The following EYS variants were observed in gnomAD, a reference collection of about 807,000 sequenced individuals.
EYS encodes the protein protein eyes shut homolog.
EYS carries 250 observed loss-of-function variants against 282.1 expected under a neutral mutation model. That is an observed-to-expected ratio of 0.89 (90% CI 0.80 to 0.98). The LOEUF (loss-of-function observed/expected upper bound fraction) is 0.98. Among genes scored for constraint, EYS ranks in the 50% least tolerant of loss-of-function variants. The pLI is 0.00. For synonymous variants in EYS, 1,355 were observed against 1,282.9 expected (o/e 1.06, Z -1.20); for missense variants, 4,016 against 3,709.0 (o/e 1.08, Z -2.15).
intron 22 of EYS, among the ~76,000 whole-genome samples, chr6:64,713,620 C>G (rs1011733336): frequency 6.6e-6 from 1 of 152,092 alleles, no homozygotes; most frequent in African/African-American, 2.4e-5. Flanking sequence ...AAATAAAGAA[C>G]TATTTACCTA....
At chr6:64,789,411 T>A (rs1327183603) in intron 22 of EYS, among the ~76,000 whole-genome samples, 1 of 152,120 alleles carries the variant, frequency 6.6e-6, no homozygotes, top group African/African-American at 2.4e-5. Context: ...CGTTCTCTCA[T>A]ACACACACAT....
At chr6:65,016,691 T>C (rs1239756318) in intron 13 of EYS, among the ~76,000 whole-genome samples, 3 of 152,178 alleles carry the variant, frequency 2.0e-5, no homozygotes, top group African/African-American at 7.2e-5. Flanking sequence ...ATGAAAAGAT[T>C]AGACTGGACA....
intron 7 of EYS, among the ~76,000 whole-genome samples, chr6:65,398,474 CAA>C (rs1766373382): frequency 6.6e-6 from 1 of 151,692 alleles, no homozygotes; most frequent in East Asian, 1.9e-4. Context: ...AAAATTAACT[CAA>C]GTTAGATTAA....
chr6:63,762,338 G>C (rs1188376330), intron 41 of EYS, 123 bp downstream of exon 41: 3 of 872,324 alleles, frequency 3.4e-6, no homozygotes, highest in Non-Finnish European at 5.3e-6. Flanking sequence ...ACTAGAAAAA[G>C]AGGACAGTGG....
intron 26 of EYS, among the ~76,000 whole-genome samples, chr6:64,513,238 G>T (rs925483116): frequency 6.6e-6 from 1 of 151,736 alleles, no homozygotes; most frequent in Non-Finnish European, 1.5e-5. Flanking sequence ...AATTAAAAAT[G>T]GATTAGCTAT....
chr6:63,728,786 G>A (rs1768706191), intron 41 of EYS, among the ~76,000 whole-genome samples: 1 of 152,038 alleles, frequency 6.6e-6, no homozygotes, highest in Non-Finnish European at 1.5e-5. Context: ...GCCTTTTCCA[G>A]TATATCATAT....
intron 31 of EYS, among the ~76,000 whole-genome samples, chr6:64,111,348 C>A (rs1243781937): frequency 6.6e-6 from 1 of 151,858 alleles, no homozygotes; most frequent in Non-Finnish European, 1.5e-5. Flanking sequence ...TGATAGGCAC[C>A]CACCATAGGA....
At chr6:63,818,903 A>G (rs923147314) in intron 36 of EYS, among the ~76,000 whole-genome samples, 3 of 152,250 alleles carry the variant, frequency 2.0e-5, no homozygotes, top group African/African-American at 7.2e-5. Flanking sequence ...TCTGCCATTC[A>G]TCTATCCAAG....
At chr6:64,995,724 C>CCCCCCCCT (rs1771237754) in intron 14 of EYS, among the ~76,000 whole-genome samples, 4 of 148,880 alleles carry the variant, frequency 2.7e-5, no homozygotes, top group Admixed American at 6.7e-5. Flanking sequence ...TTCCCCCCCG[C>CCCCCCCCT]CCCATATTCT....
intron 22 of EYS, among the ~76,000 whole-genome samples, chr6:64,710,438 C>T (rs73442626): frequency 0.01 from 1,566 of 152,300 alleles, 23 homozygotes; most frequent in African/African-American, 0.035. Flanking sequence ...TAGCCACGGA[C>T]CAAATCCTTC....
At chr6:63,909,005 A>T (rs1773852222) in intron 35 of EYS, among the ~76,000 whole-genome samples, 1 of 152,140 alleles carries the variant, frequency 6.6e-6, no homozygotes, top group African/African-American at 2.4e-5. Context: ...CAAGATGTGA[A>T]CACTGGATTA....
At chr6:64,844,245 G>T (rs778574172) in intron 19 of EYS, among the ~76,000 whole-genome samples, 7 of 151,868 alleles carry the variant, frequency 4.6e-5, no homozygotes, top group African/African-American at 7.3e-5. Flanking sequence ...AAGCAATTTT[G>T]TGTATATCGT....
chr6:64,999,363 C>T (rs1371903402), intron 13 of EYS, among the ~76,000 whole-genome samples: 1 of 152,188 alleles, frequency 6.6e-6, no homozygotes, highest in East Asian at 1.9e-4. Flanking sequence ...CATAGTCTTG[C>T]TCTTGATTGT....
At chr6:63,840,199 C>T (rs1771917403) in intron 36 of EYS, among the ~76,000 whole-genome samples, 1 of 139,240 alleles carries the variant, frequency 7.2e-6, no homozygotes, top group African/African-American at 2.7e-5. Flanking sequence ...AGTTGCCTGC[C>T]ACCATGCCCA....
Position 63,721,474 on chromosome 6 carries a change from T to C in EYS, c.8557A>G (p.Ile2853Val), listed in dbSNP as rs758984036. 2 of 1,551,612 alleles carry C rather than the reference T, an allele frequency of 1.3e-6. No homozygotes were observed. Among genetic ancestry groups the C allele is most frequent in the South Asian group, 1.2e-5 (1 of 84,056 alleles). ...GTTAATTGTAATTCTTGATTATTTA[T>C]GATAACTTGTCGGATACAGCCTTGA... ...GFQGCIRQVI[I>V]NNQELQLTEF... Residue 2853 changes from isoleucine to valine, a missense_variant, in exon 43 of 43, where the codon ATA (isoleucine) becomes GTA (valine). Ile to Val is a conservative substitution (Grantham distance 29). Transcript: ENST00000503581.
chr6:65,012,165 T>C (rs528834188), intron 13 of EYS, among the ~76,000 whole-genome samples: 2 of 152,322 alleles, frequency 1.3e-5, no homozygotes, highest in African/African-American at 4.8e-5. Context: ...TTTTATATTT[T>C]ACTCAGAAAA....
At chr6:64,823,501 T>A (rs1319409584) in intron 19 of EYS, among the ~76,000 whole-genome samples, 1 of 151,888 alleles carries the variant, frequency 6.6e-6, no homozygotes, top group Non-Finnish European at 1.5e-5. Flanking sequence ...GTTTGAAATA[T>A]CTGGAAAGAG....
chr6:64,499,085 A>G (rs1287775886), intron 26 of EYS, among the ~76,000 whole-genome samples: 1 of 152,190 alleles, frequency 6.6e-6, no homozygotes, highest in Non-Finnish European at 1.5e-5. Context: ...CCAACAATGT[A>G]AAAACATTCG....
At chr6:64,100,685 C>A (rs897255856) in intron 31 of EYS, among the ~76,000 whole-genome samples, 1 of 152,062 alleles carries the variant, frequency 6.6e-6, no homozygotes. Context: ...TTCATACTGG[C>A]ACTTCTTATA....
Sources: gnomAD v4.1 joint callset for allele counts (sites outside exome capture counted in the v4.1 genomes callset) on GRCh38, gnomAD v4.1.1 for gene constraint, MANE v1.5 for transcripts, NCBI Gene and HGNC (gene_info 2026-07-23, HGNC 2026-07-21) for gene names.